The following SHMT2 variants were observed in gnomAD, a reference collection of about 807,000 sequenced individuals.
The protein encoded by SHMT2 is serine hydroxymethyltransferase 2, also known as serine hydroxymethyltransferase, mitochondrial.
A neutral mutation model predicts 59.6 loss-of-function variants in SHMT2; 38 were observed. That is an observed-to-expected ratio of 0.64 (90% confidence interval 0.49 to 0.84). The LOEUF (loss-of-function observed/expected upper bound fraction) is 0.84. Among genes scored for constraint, SHMT2 ranks in the 40% least tolerant of loss-of-function variants. The pLI, the probability that SHMT2 is intolerant of heterozygous loss-of-function variation, is 0.00. For synonymous variants in SHMT2, 254 were observed against 258.1 expected, an observed-to-expected ratio of 0.98 and a Z score of 0.15; for missense variants, 533 against 659.5, an observed-to-expected ratio of 0.81 and a Z score of 2.10.
chr12:57,233,213 G>C lies in SHMT2; in HGVS notation c.891G>C (p.Lys297Asn). 1 of 1,592,924 alleles carries C rather than the reference G, an allele frequency of 6.3e-7. No individual in the cohort carries two copies. The highest frequency in any genetic ancestry group is 8.6e-7 in the Non-Finnish European group (1 of 1,168,542). ...SGLIFYRKGVKAVDPKTGREI... is the reference protein window; with the variant it reads ...SGLIFYRKGVNAVDPKTGREI... ...TCATCTTCTACCGGAAAGGGGTGAA[G>C]GCTGTGGACCCCAAGACTGGCCGGG... The change falls in exon 8 of 12, where the codon AAG becomes AAC. Residue 297 changes from lysine to asparagine, a missense_variant. Lys to Asn is a moderately conservative substitution (Grantham distance 94). Coordinates refer to ENST00000328923, the MANE Select transcript of SHMT2 (RefSeq NM_005412.6).
rs199818914 is a variant in SHMT2 at position 57,233,872 on chromosome 12, G to A, written c.1247G>A (p.Arg416Gln). ...AACAAGAACACCTGTCCTGGAGACC[G>A]AAGTGCCATCACACCGGGCGGCCTG... is the stretch of plus-strand genomic sequence containing the variant. ...TANKNTCPGDRSAITPGGLRL... is the reference protein window; with the variant it reads ...TANKNTCPGDQSAITPGGLRL... The change falls in exon 10 of 12, where the codon CGA (arginine) becomes CAA (glutamine). Residue 416 changes from arginine (R) to glutamine (Q), a missense_variant. Coordinates refer to ENST00000328923, the MANE Select transcript of SHMT2 (RefSeq NM_005412.6). 20 of 1,614,212 alleles carry A rather than the reference G, an allele frequency of 1.2e-5. No homozygotes were observed. The highest frequency in any genetic ancestry group is 5.3e-5 in the African/African-American group (4 of 75,056).
intron 4 of SHMT2, 87 bp from the exon 5 acceptor site, chr12:57,232,124 T>C (rs2037343532): frequency 1.5e-6 from 2 of 1,298,996 alleles, no homozygotes; most frequent in Middle Eastern, 1.8e-4. Flanking sequence ...ACTGGTGTTC[T>C]GGGGACAGAG....
intron 4 of SHMT2, 35 bp downstream of exon 4, chr12:57,231,948 G>A (rs371533563): frequency 1.3e-6 from 2 of 1,574,136 alleles, no homozygotes; most frequent in East Asian, 2.3e-5. Flanking sequence ...GGTCTTGGCG[G>A]CAGGATTGGT....
At chr12:57,229,891 G>A in intron 1 of SHMT2, 80 bp downstream of exon 1, 1 of 1,585,168 alleles carries the variant, frequency 6.3e-7, no homozygotes, top group Admixed American at 1.8e-5. Flanking sequence ...CACAAACTCT[G>A]GGGTTCTCTT....
At chr12:57,232,170 G>A in intron 4 of SHMT2, 41 bp from the exon 5 acceptor site, 3 of 1,571,230 alleles carry the variant, frequency 1.9e-6, no homozygotes, top group South Asian at 2.2e-5. Flanking sequence ...AAGTCCGGGG[G>A]TCCTTCCACC....
rs1248080323 is a variant in SHMT2 at position 57,234,233 on chromosome 12, G to T, written c.1388-1G>T. ...CTTGTTTCCTCACCCTCTCTCTCTAGCCAAGCTCCAGGATTTCAAATCCTT... is the reference window on the plus strand; with the variant it reads ...CTTGTTTCCTCACCCTCTCTCTCTATCCAAGCTCCAGGATTTCAAATCCTT... On this transcript the variant is annotated splice_acceptor_variant, in intron 11 of 11. Coordinates refer to ENST00000328923, the MANE Select transcript of SHMT2 (RefSeq NM_005412.6). LOFTEE classifies it high-confidence loss of function. The T allele has an allele frequency of 1.2e-5, 19 of 1,611,856 alleles. No homozygotes were observed. Among genetic ancestry groups the T allele is most frequent in the Non-Finnish European group, 1.6e-5 (19 of 1,178,646 alleles).
chr12:57,231,640 G>A, intron 3 of SHMT2, 73 bp from the exon 4 acceptor site: 2 of 1,610,270 alleles, frequency 1.2e-6, no homozygotes, highest in Admixed American at 3.3e-5. Context: ...TCATTGAGGA[G>A]TGAACTTCCC....
At position 57,234,540 on chromosome 12, in the gene SHMT2, CT is replaced by C. The variant is rs923443104; in HGVS notation, c.*186del. 12 of 618,636 alleles carry C rather than the reference CT, an allele frequency of 1.9e-5. No individual in the cohort carries two copies. The highest frequency in any genetic ancestry group is 3.7e-5 in the South Asian group (1 of 26,924). 38.3% of individuals were successfully genotyped at this position (618,636 alleles called of 1,614,324 possible). ...TAACTGAGAAGATCTTTTCTTTTTC[CT>C]TTTTTTGGTAACAAGACTTAGAAGG... On this transcript the variant is annotated 3_prime_UTR_variant, in exon 12 of 12. Coordinates refer to ENST00000328923, the MANE Select transcript of SHMT2 (RefSeq NM_005412.6).
chr12:57,234,269 G>A lies in SHMT2; in HGVS notation c.1423G>A (p.Asp475Asn). The change falls in exon 12 of 12, where the codon GAC (aspartate) becomes AAC (asparagine). Residue 475 changes from aspartate (D) to asparagine (N), a missense_variant. Physicochemically the swap from Asp to Asn is conservative, Grantham distance 23 (BLOSUM62 1). Coordinates refer to ENST00000328923, the MANE Select transcript of SHMT2 (RefSeq NM_005412.6). The stretch of plus-strand genomic sequence containing the variant: ...GGATTTCAAATCCTTCCTGCTTAAG[G>A]ACTCAGAAACAAGTCAGCGTCTGGC... ...LQDFKSFLLKDSETSQRLANL... is the reference protein window; with the variant it reads ...LQDFKSFLLKNSETSQRLANL... The A allele has an allele frequency of 6.2e-7, 1 of 1,613,744 alleles. No homozygotes were observed. The highest frequency in any genetic ancestry group is 8.5e-7 in the Non-Finnish European group (1 of 1,179,796).
rs745814583 is a variant in SHMT2, at chr12:57,231,752, G to A, written c.351G>A (p.Leu117=). Residue 117 remains leucine (L), a synonymous_variant, in exon 4 of 12, where the codon CTG becomes CTA. Coordinates refer to ENST00000328923, the MANE Select transcript of SHMT2 (RefSeq NM_005412.6). ...GGAEVVDEIE[L]LCQRRALEAF... is the part of the protein sequence containing the mutation. Reference sequence around the variant, plus strand: ...CAGAGGTGGTGGATGAAATTGAGCTGCTGTGCCAGCGCCGGGCCTTGGAAG... The same window carrying A: ...CAGAGGTGGTGGATGAAATTGAGCTACTGTGCCAGCGCCGGGCCTTGGAAG... The A allele has an allele frequency of 4.3e-5, 69 of 1,614,086 alleles. No homozygotes were observed. Among genetic ancestry groups the A allele is most frequent in the Non-Finnish European group, 5.6e-5 (66 of 1,180,046 alleles).
At position 57,232,459 on chromosome 12, in the gene SHMT2, A is replaced by C. The variant is rs1592684178; in HGVS notation, c.601A>C (p.Thr201Pro). The C allele has an allele frequency of 6.2e-7, 1 of 1,613,932 alleles. No homozygotes were observed. Among genetic ancestry groups the C allele is most frequent in the Non-Finnish European group, 8.5e-7 (1 of 1,180,010 alleles). Residue 201 changes from threonine to proline, a missense_variant, in exon 6 of 12, where the codon ACT becomes CCT. Transcript: ENST00000328923. ...ESMPYKLNPKTGLIDYNQLAL... is the reference protein window; with the variant it reads ...ESMPYKLNPKPGLIDYNQLAL... ...TGTTTGTGTGTCTGTCCAGCCCAAA[A>C]CTGGCCTCATTGACTACAACCAGCT... is the stretch of plus-strand genomic sequence containing the variant.
rs753409171 is a variant in SHMT2 at position 57,232,805 on chromosome 12, C to G, written c.819C>G (p.Ile273Met). Reference sequence around the variant, plus strand: ...CCTCGCCTTTCAAGCACGCGGACATCGTCACCACCACTACTCACAAGACTC... The same window carrying G: ...CCTCGCCTTTCAAGCACGCGGACATGGTCACCACCACTACTCACAAGACTC... ...VIPSPFKHAD[I>M]VTTTTHKTLR... is the part of the protein sequence containing the mutation. The change falls in exon 7 of 12, where the codon ATC becomes ATG. Residue 273 changes from isoleucine (I) to methionine (M), a missense_variant. Coordinates refer to ENST00000328923, the MANE Select transcript of SHMT2 (RefSeq NM_005412.6). 1.2e-6 allele frequency: 2 copies of G among 1,613,526 alleles called. No homozygotes were observed. The highest frequency in any genetic ancestry group is 1.7e-6 in the Non-Finnish European group (2 of 1,179,452).
intron 5 of SHMT2, 27 bp downstream of exon 5, chr12:57,232,319 G>A (rs879148865): frequency 3.1e-6 from 5 of 1,612,302 alleles, no homozygotes; most frequent in Non-Finnish European, 4.2e-6. Context: ...GTGGGGAGGG[G>A]CTCTTGGCCC....
At chr12:57,232,377 C>G in intron 5 of SHMT2, 76 bp from the exon 6 acceptor site, 1 of 1,613,534 alleles carries the variant, frequency 6.2e-7, no homozygotes, top group South Asian at 1.1e-5. Context: ...AGCGCCGGGC[C>G]GTCCTTAGGG....
intron 2 of SHMT2, 122 bp downstream of exon 2, chr12:57,231,122 C>A: frequency 1.0e-6 from 1 of 969,532 alleles, no homozygotes; most frequent in South Asian, 1.6e-5. Context: ...TGGGCTTTAT[C>A]TTCCTTTCTT....
intron 7 of SHMT2, 56 bp from the exon 8 acceptor site, chr12:57,233,124 C>G: frequency 2.0e-6 from 3 of 1,507,846 alleles, no homozygotes; most frequent in Non-Finnish European, 2.7e-6. Context: ...CCTCTGCCTT[C>G]TCTGTCCCTT....
intron 7 of SHMT2, 157 bp downstream of exon 7, chr12:57,233,000 A>G: frequency 7.9e-7 from 1 of 1,268,268 alleles, no homozygotes; most frequent in East Asian, 2.5e-5. Context: ...CATGGTGGCC[A>G]TGCCCTGGCA....
intron 2 of SHMT2, chr12:57,231,207 A>G (rs1335088115): frequency 1.6e-6 from 1 of 617,304 alleles, no homozygotes; most frequent in East Asian, 2.8e-5. Context: ...GGGTCCCTAC[A>G]GTTTCATCTG....
At position 57,232,268 on chromosome 12, in the gene SHMT2, C is replaced by T. The variant is rs1049605366; in HGVS notation, c.570C>T (p.Phe190=). 48 of 1,614,014 alleles carry T rather than the reference C, an allele frequency of 3.0e-5. No homozygotes were observed. Among genetic ancestry groups the T allele is most frequent in the African/African-American group, 2.5e-4 (19 of 74,916 alleles). The change falls in exon 5 of 12, where the codon TTC becomes TTT. Residue 190 remains phenylalanine (F), a synonymous_variant. Transcript: ENST00000328923. ...GGATATCAGCCACGTCCATCTTCTT[C>T]GAGTCTATGCCCTATAAGCTCAACG... The part of the protein sequence containing the change: ...VKRISATSIF[F]ESMPYKLNPK...
Sources: gnomAD v4.1 joint callset for allele counts on GRCh38, gnomAD v4.1.1 for gene constraint, MANE v1.5 for transcripts, NCBI Gene and HGNC (gene_info 2026-07-23, HGNC 2026-07-21) for gene names.